Variants in CAST observed in about 807,000 individuals in gnomAD.
CAST encodes calpastatin.
Under a neutral mutation model 119.6 loss-of-function variants are expected in CAST, and 76 were observed. The observed-to-expected ratio is 0.64, with a 90% CI of 0.53 to 0.77. CAST has a LOEUF of 0.77. CAST is among the 30% of genes least tolerant of loss of function. The pLI is 0.00. For synonymous variants in CAST, 319 were observed against 331.6 expected (o/e 0.96, Z 0.41); for missense variants, 953 against 946.5 (o/e 1.01, Z -0.09).
chr5:96,587,397 A>T (rs1011889062), intron 1 of CAST, among the ~76,000 whole-genome samples: 1 of 152,244 alleles, frequency 6.6e-6, no homozygotes, highest in Admixed American at 6.5e-5. Flanking sequence ...CATTCTCCTG[A>T]TTTCCTGACT....
chr5:96,271,929 T>C, the CAST span, among the ~76,000 whole-genome samples: 59 of 152,218 alleles, frequency 3.9e-4, 1 homozygote, highest in African/African-American at 1.4e-3. Context: ...ACAAATATTC[T>C]GATGTTTTAA....
chr5:96,023,887 A>G, the CAST span, among the ~76,000 whole-genome samples: 2 of 152,196 alleles, frequency 1.3e-5, no homozygotes, highest in African/African-American at 4.8e-5. Context: ...ATAAAATCCT[A>G]TGGAAATTAC....
chr5:96,617,033 C>A (rs529658586), intron 1 of CAST, among the ~76,000 whole-genome samples: 1 of 152,284 alleles, frequency 6.6e-6, no homozygotes, highest in South Asian at 2.1e-4. Context: ...GTTGACACAT[C>A]AAGGCCATTG....
At chr5:96,291,478 T>A in the CAST span, among the ~76,000 whole-genome samples, 4 of 152,184 alleles carry the variant, frequency 2.6e-5, no homozygotes, top group Non-Finnish European at 5.9e-5. Flanking sequence ...ATTCCTTTTT[T>A]TTTCCCGGAA....
chr5:96,729,780 G>A (rs1760076139), intron 8 of CAST, 55 bp downstream of exon 8: 10 of 793,692 alleles, frequency 1.3e-5, no homozygotes, highest in African/African-American at 3.4e-5. Context: ...AATAAGATAC[G>A]GTTCCCCTGT....
the CAST span, among the ~76,000 whole-genome samples, chr5:96,345,209 G>A: frequency 6.6e-6 from 1 of 152,144 alleles, no homozygotes; most frequent in Non-Finnish European, 1.5e-5. Context: ...GTGACCTCCA[G>A]ATATACGCTA....
chr5:96,740,414 A>G (rs1190369527), intron 12 of CAST, among the ~76,000 whole-genome samples: 1 of 152,124 alleles, frequency 6.6e-6, no homozygotes, highest in Non-Finnish European at 1.5e-5. Context: ...TTTGAGGCCT[A>G]TTCTTGGCTT....
chr5:96,642,516 T>C (rs1747963372), intron 1 of CAST, among the ~76,000 whole-genome samples: 1 of 151,176 alleles, frequency 6.6e-6, no homozygotes, highest in African/African-American at 2.4e-5. Context: ...TGGTTGATAA[T>C]GATAGTAAAT....
At chr5:96,415,829 T>A in the CAST span, among the ~76,000 whole-genome samples, 3,738 of 152,142 alleles carry the variant, frequency 0.025, 150 homozygotes, top group African/African-American at 0.086. Flanking sequence ...CAAAGATGTA[T>A]AGGCTATATT....
intron 2 of CAST, among the ~76,000 whole-genome samples, chr5:96,680,924 C>T (rs1751333490): frequency 6.6e-6 from 1 of 152,218 alleles, no homozygotes; most frequent in Non-Finnish European, 1.5e-5. Flanking sequence ...TGTCTCAGTG[C>T]CAAGAAAAGC....
intron 1 of CAST, among the ~76,000 whole-genome samples, chr5:96,668,718 T>C (rs1310606764): frequency 6.6e-6 from 1 of 152,124 alleles, no homozygotes; most frequent in Non-Finnish European, 1.5e-5. Flanking sequence ...GTTTCTGCCC[T>C]ATCAGAGTTT....
chr5:96,149,762 G>C, the CAST span, among the ~76,000 whole-genome samples: 1 of 152,204 alleles, frequency 6.6e-6, no homozygotes, highest in Non-Finnish European at 1.5e-5. Context: ...TCATCAGCTA[G>C]CATCCAATCT....
At chr5:96,056,303 CA>C in the CAST span, among the ~76,000 whole-genome samples, 1 of 152,078 alleles carries the variant, frequency 6.6e-6, no homozygotes, top group Non-Finnish European at 1.5e-5. Context: ...TGTACAGCCA[CA>C]AAAAAGATTG....
At chr5:96,059,709 G>A in the CAST span, among the ~76,000 whole-genome samples, 1 of 152,058 alleles carries the variant, frequency 6.6e-6, no homozygotes, top group African/African-American at 2.4e-5. Flanking sequence ...CACTTCACGG[G>A]GCTCTGAATG....
In CAST at chr5:96,762,360, C is replaced by A; in HGVS notation, c.1920C>A (p.Pro640=). ...CAACGACCCAAGCTGGAGCCCCACC[C>A]CGTGATACCTCGGTAAGCAGCACAT... ...PASTTQAGAP[P]RDTSQSDKDL... is the part of the protein sequence containing the mutation. Residue 640 remains proline, a synonymous_variant, in exon 25 of 32, where the codon CCC becomes CCA. Coordinates refer to ENST00000675179, the MANE Select transcript of CAST (RefSeq NM_001750.7). The A allele has an allele frequency of 6.3e-7, 1 of 1,596,698 alleles. No homozygotes were observed.
chr5:96,238,689 C>T, the CAST span, among the ~76,000 whole-genome samples: 7 of 152,038 alleles, frequency 4.6e-5, no homozygotes, highest in East Asian at 1.9e-4. Flanking sequence ...CGTGAGCCAC[C>T]GCGCCCAGCC....
At chr5:96,449,708 A>G in the CAST span, among the ~76,000 whole-genome samples, 12 of 152,190 alleles carry the variant, frequency 7.9e-5, no homozygotes, top group African/African-American at 2.7e-4. Flanking sequence ...TTCTCTCACT[A>G]TGTTCAAATG....
rs1477561161 is a variant in CAST at position 96,662,465 on chromosome 5, C to G, written c.43C>G (p.Arg15Gly). ...GQKPAASPRP[R>G]RAAAARRTHE... is the part of the protein sequence containing the mutation. Reference sequence around the variant, plus strand: ...GAAGCCCGCCGCCTCCCCGCGGCCCCGGCGAGCAGCCGCCGCCCGCCGCAC... The same window carrying G: ...GAAGCCCGCCGCCTCCCCGCGGCCCGGGCGAGCAGCCGCCGCCCGCCGCAC... The change falls in exon 1 of 32, where the codon CGG becomes GGG. Residue 15 changes from arginine (R) to glycine (G), a missense_variant. By Grantham distance (125) the Arg-to-Gly change is moderately radical (BLOSUM62 -2). Transcript: ENST00000675179. 1.4e-6 allele frequency: 2 copies of G among 1,433,574 alleles called. No homozygotes were observed. Among genetic ancestry groups the G allele is most frequent in the East Asian group, 3.0e-5 (1 of 32,928 alleles). 88.8% of individuals were successfully genotyped at this position (1,433,574 alleles called of 1,614,324 possible).
chr5:96,705,297 C>T (rs1162260880), intron 3 of CAST, among the ~76,000 whole-genome samples: 3 of 150,802 alleles, frequency 2.0e-5, no homozygotes. Context: ...CAGCCTGACA[C>T]AGCGATGAGA....
Sources: allele counts gnomAD v4.1 joint callset (sites outside exome capture counted in the v4.1 genomes callset), GRCh38; gene constraint gnomAD v4.1.1; transcripts MANE v1.5; gene names NCBI Gene and HGNC (gene_info 2026-07-23, HGNC 2026-07-21).